DAPL1: variants seen among roughly 807,000 people sequenced by gnomAD.
The protein encoded by DAPL1 is death-associated protein-like 1.
In DAPL1, 17 loss-of-function variants were observed where a neutral mutation model predicts 12.9. The ratio of observed to expected loss-of-function variants is 1.32; its 90% CI spans 0.90 to 1.98. DAPL1 has a LOEUF of 1.98. Among genes scored for constraint, DAPL1 ranks in the 30% most tolerant of loss-of-function variants. The pLI is 0.00. For missense variants in DAPL1, 157 were observed against 125.7 expected (o/e 1.25, Z -1.19); for synonymous variants, 51 against 42.0 (o/e 1.21, Z -0.82).
chr2:158,795,515 G>A lies in DAPL1; in HGVS notation c.58+85G>A, dbSNP rs561158831. ...CCTTCCATGGAGCACCCCGACAGAC[G>A]GAAGCTTCTCTGTCTACCCAGTATG... On this transcript the variant is annotated intron_variant, in intron 1 of 3. Transcript: ENST00000309950. 33 of 1,302,490 alleles carry A rather than the reference G, an allele frequency of 2.5e-5. No individual in the cohort carries two copies. The African/African-American group carries it at 2.9e-4, about 12-fold the overall frequency. The allele number at this position is 1,302,490 out of a possible 1,614,324, so 80.7% of individuals were successfully genotyped here.
At chr2:158,799,562 C>T (rs1255611610) in intron 1 of DAPL1, among the ~76,000 whole-genome samples, 1 of 152,100 alleles carries the variant, frequency 6.6e-6, no homozygotes, top group Non-Finnish European at 1.5e-5. Context: ...AACCCTCCCA[C>T]AAACTGACCC....
At chr2:158,813,860 TC>T (rs1281135946) in intron 3 of DAPL1, among the ~76,000 whole-genome samples, 103 of 152,302 alleles carry the variant, frequency 6.8e-4, no homozygotes, top group Admixed American at 2.7e-3. Context: ...CGGCCTCCTT[TC>T]CTTTTTCTTT....
intron 1 of DAPL1, among the ~76,000 whole-genome samples, chr2:158,803,483 A>T (rs1284835868): frequency 6.6e-6 from 1 of 152,220 alleles, no homozygotes; most frequent in African/African-American, 2.4e-5. Context: ...GCTTTTTCTC[A>T]TTTGAGCTTG....
intron 3 of DAPL1, among the ~76,000 whole-genome samples, chr2:158,813,248 T>C (rs1056973664): frequency 6.6e-6 from 1 of 152,042 alleles, no homozygotes; most frequent in Non-Finnish European, 1.5e-5. Context: ...GAATGGAGAA[T>C]TACTGTTTAA....
At chr2:158,808,547 G>T (rs993591183) in intron 3 of DAPL1, among the ~76,000 whole-genome samples, 2 of 152,170 alleles carry the variant, frequency 1.3e-5, no homozygotes, top group Non-Finnish European at 2.9e-5. Context: ...GATTGCACAA[G>T]GTAAGATCTT....
rs567881657 is a variant in DAPL1, at chr2:158,806,415, G to T, written c.147-640G>T. Among the ~76,000 whole-genome samples, 81 of 152,248 alleles carry T rather than the reference G, an allele frequency of 5.3e-4. 1 individual carries two copies. The highest frequency in any genetic ancestry group is 1.7e-3 in the African/African-American group (72 of 41,554). On this transcript the variant is annotated intron_variant, in intron 2 of 3. Coordinates refer to ENST00000309950, the MANE Select transcript of DAPL1 (RefSeq NM_001017920.3). Reference sequence around the variant, plus strand: ...AAAACAGTCAAAACTAGTCTTTGGGGCTATAAATGAGGATAGCAGTTATCC... The same window carrying T: ...AAAACAGTCAAAACTAGTCTTTGGGTCTATAAATGAGGATAGCAGTTATCC...
chr2:158,802,154 G>C (rs952232433), intron 1 of DAPL1, among the ~76,000 whole-genome samples: 2 of 152,192 alleles, frequency 1.3e-5, no homozygotes, highest in African/African-American at 2.4e-5. Flanking sequence ...ATCATGGCTG[G>C]TGAGATTCTA....
At chr2:158,809,189 C>G (rs542398197) in intron 3 of DAPL1, among the ~76,000 whole-genome samples, 1 of 151,668 alleles carries the variant, frequency 6.6e-6, no homozygotes, top group African/African-American at 2.4e-5. Context: ...GAAACTCCAT[C>G]TCTACTGAAA....
intron 3 of DAPL1, among the ~76,000 whole-genome samples, chr2:158,813,655 A>T (rs1460528010): frequency 6.8e-6 from 1 of 148,022 alleles, no homozygotes; most frequent in Non-Finnish European, 1.5e-5. Context: ...TCCTGGGTTC[A>T]TGCCATTCTC....
At chr2:158,809,089 G>A (rs762064779) in intron 3 of DAPL1, among the ~76,000 whole-genome samples, 9 of 152,012 alleles carry the variant, frequency 5.9e-5, no homozygotes, top group East Asian at 1.9e-4. Context: ...GGCCAGGCAC[G>A]GTGGCTCACG....
chr2:158,814,434 G>A (rs1031525637), intron 3 of DAPL1, among the ~76,000 whole-genome samples: 5 of 152,124 alleles, frequency 3.3e-5, no homozygotes, highest in Admixed American at 6.5e-5. Flanking sequence ...CCTGCTCATT[G>A]TAAAAGAAAA....
intron 1 of DAPL1, among the ~76,000 whole-genome samples, chr2:158,796,836 C>T (rs1297101874): frequency 6.6e-6 from 1 of 152,150 alleles, no homozygotes; most frequent in Non-Finnish European, 1.5e-5. Flanking sequence ...ATGACTCCAT[C>T]AAGCATGTCA....
At chr2:158,807,773 G>A (rs62183691) in intron 3 of DAPL1, 33,245 of 152,240 alleles carry the variant, frequency 0.22, 4,610 homozygotes, top group Non-Finnish European at 0.32. Flanking sequence ...TCAGCCTCCC[G>A]AGTAGCTGGG....
chr2:158,804,420 T>C (rs1272976624), intron 2 of DAPL1, 51 bp downstream of exon 2: 1 of 1,343,528 alleles, frequency 7.4e-7, no homozygotes, highest in African/African-American at 1.5e-5. Context: ...TGAGTGACTC[T>C]GCCTCCAGGA....
chr2:158,796,647 T>C (rs1199857239), intron 1 of DAPL1, among the ~76,000 whole-genome samples: 1 of 152,252 alleles, frequency 6.6e-6, no homozygotes, highest in Non-Finnish European at 1.5e-5. Context: ...ATTCTCATTA[T>C]GTTGTTTCCA....
intron 2 of DAPL1, 123 bp from the exon 3 acceptor site, chr2:158,806,932 C>G: frequency 4.4e-6 from 3 of 683,720 alleles, no homozygotes; most frequent in Non-Finnish European, 7.7e-6. Flanking sequence ...TCTGTGTCTT[C>G]TAGATGTTCC....
At position 158,815,480 on chromosome 2, in the gene DAPL1, A is replaced by G. The variant is rs17810816; in HGVS notation, c.208-225A>G. ...ACCATTCCTACTTTTTAAAATGTCA[A>G]TTGGAATTTTTTAAAATTAAGGACA... On this transcript the variant is annotated intron_variant, in intron 3 of 3. Transcript: ENST00000309950. Among the ~76,000 whole-genome samples the G allele has an allele frequency of 0.13, 19,477 of 152,220 alleles. 1,468 individuals are homozygous for G. The highest frequency in any genetic ancestry group is 0.19 in the Middle Eastern group (57 of 294).
rs79009554 is a variant in DAPL1, at chr2:158,804,134, A to T, written c.59-148A>T. On this transcript the variant is annotated intron_variant, in intron 1 of 3. Coordinates refer to ENST00000309950, the MANE Select transcript of DAPL1 (RefSeq NM_001017920.3). ...CCTGGTTTGCCAATAAAATATATAT[A>T]TTTTTTATTGTGTTGTTTTATACAA... The T allele has an allele frequency of 8.5e-4, 24 of 28,184 alleles. 1 individual carries two copies. The Middle Eastern group carries it at 0.062, about 73-fold the overall frequency. 1.7% of individuals were successfully genotyped at this position (28,184 alleles called of 1,614,324 possible).
chr2:158,800,319 A>G (rs1444544540), intron 1 of DAPL1, among the ~76,000 whole-genome samples: 1 of 152,184 alleles, frequency 6.6e-6, no homozygotes, highest in East Asian at 1.9e-4. Flanking sequence ...TGTATTAGGC[A>G]ATCTATATCA....
Sources: gnomAD v4.1 joint callset for allele counts (sites outside exome capture counted in the v4.1 genomes callset) on GRCh38, gnomAD v4.1.1 for gene constraint, MANE v1.5 for transcripts, NCBI Gene and HGNC (gene_info 2026-07-23, HGNC 2026-07-21) for gene names.